Variants in PPP6R2 observed in about 807,000 individuals in gnomAD.
PPP6R2 encodes protein phosphatase 6 regulatory subunit 2, also known as serine/threonine-protein phosphatase 6 regulatory subunit 2.
PPP6R2 carries 62 observed loss-of-function variants against 100.2 expected under a neutral mutation model. That is an observed-to-expected ratio of 0.62 (90% CI 0.50 to 0.76). The LOEUF (loss-of-function observed/expected upper bound fraction) is 0.76, where lower values mean the gene tolerates loss of function less well. Among genes scored for constraint, PPP6R2 ranks in the 30% least tolerant of loss-of-function variants. The probability of loss-of-function intolerance (pLI) is 0.00; values close to 1 mark genes in which losing one functional copy is unlikely to be tolerated. For missense variants in PPP6R2, 1,142 were observed against 1,276.3 expected (o/e 0.89, Z 1.60); for synonymous variants, 525 against 514.7 (o/e 1.02, Z -0.27).
chr22:50,339,386 A>AGT (rs775867826), upstream of PPP6R2, among the ~76,000 whole-genome samples: 3 of 44,542 alleles, frequency 6.7e-5, no homozygotes, highest in Non-Finnish European at 1.3e-4. Context: ...TGTGGTATGT[A>AGT]GTGTGTGTGT....
intron 1 of PPP6R2, among the ~76,000 whole-genome samples, chr22:50,351,257 C>G: frequency 7.3e-6 from 1 of 137,094 alleles, no homozygotes. Flanking sequence ...CCAGGCTGGT[C>G]TCAAACTCCT....
intron 22 of PPP6R2, 166 bp from the exon 23 acceptor site, chr22:50,443,700 T>C (rs2066394080): frequency 1.0e-6 from 1 of 969,118 alleles, no homozygotes; most frequent in African/African-American, 1.6e-5. Flanking sequence ...CAGAGCTGCC[T>C]AGCTGGGCAC....
At position 50,443,918 on chromosome 22, in the gene PPP6R2, G is replaced by A. The variant is rs2066464676; in HGVS notation, c.2632G>A (p.Glu878Lys). Residue 878 changes from glutamate to lysine, a missense_variant, in exon 23 of 24, where the codon GAA becomes AAA. Physicochemically the swap from Glu to Lys is moderately conservative, Grantham distance 56. Coordinates refer to ENST00000612753, the MANE Select transcript of PPP6R2 (RefSeq NM_001242898.2). ...AAGCCCTGCCTGCCCCGCGCCAAAG[G>A]AAGTGACTGCTGCCCCAGCCGTGGC... is the stretch of plus-strand genomic sequence containing the variant. ...LLSPACPAPK[E>K]VTAAPAVAVP... is the part of the protein sequence containing the mutation. 1.2e-6 allele frequency: 2 copies of A among 1,600,732 alleles called. No homozygotes were observed. Among genetic ancestry groups the A allele is most frequent in the South Asian group, 2.2e-5 (2 of 89,446 alleles).
In PPP6R2 at chr22:50,438,774, C is replaced by T. The variant is rs186743399; in HGVS notation, c.2128+12C>T. On this transcript the variant is annotated intron_variant, in intron 19 of 23. Transcript: ENST00000612753. ...GGGTGACTCAGAAGGTGGTGCTGGG[C>T]GCCAGGGGCTGGGAGTGTGGGTATC... 1,107 of 1,582,148 alleles carry T rather than the reference C, an allele frequency of 7.0e-4. 7 individuals carry two copies. In the African/African-American group the frequency reaches 0.01, roughly 15 times the overall value.
intron 10 of PPP6R2, among the ~76,000 whole-genome samples, chr22:50,428,011 C>T (rs578157349): frequency 4.7e-4 from 71 of 150,932 alleles, no homozygotes; most frequent in East Asian, 1.5e-3. Context: ...TGAGCCACCA[C>T]GCCCAGCCAA....
rs138936534 is a variant in PPP6R2 at position 50,369,341 on chromosome 22, A to G, written c.-147-2679A>G. ...TGAGTTATTTAGCTTAATTTTAATC[A>G]TGAAGTGTTAGGTATAAAAAGTATT... is the stretch of plus-strand genomic sequence containing the variant. On this transcript the variant is annotated intron_variant, in intron 1 of 23. Transcript: ENST00000612753. Among the ~76,000 whole-genome samples the G allele has an allele frequency of 4.2e-4, 64 of 152,298 alleles. No individual in the cohort carries two copies. The East Asian group carries it at 0.012, about 29-fold the overall frequency.
At chr22:50,441,223 G>C (rs1215176571) in intron 22 of PPP6R2, 197 bp downstream of exon 22, 1 of 582,308 alleles carries the variant, frequency 1.7e-6, no homozygotes, top group Non-Finnish European at 3.1e-6. Flanking sequence ...GTGGAGGCCA[G>C]ATGGGAGAAG....
intron 1 of PPP6R2, among the ~76,000 whole-genome samples, chr22:50,370,499 G>A (rs1482755723): frequency 6.6e-6 from 1 of 151,876 alleles, no homozygotes; most frequent in Admixed American, 6.6e-5. Context: ...ATGTTGGCCA[G>A]ACTGGTCTCG....
At chr22:50,387,754 T>C (rs961530487) in intron 2 of PPP6R2, among the ~76,000 whole-genome samples, 1 of 152,144 alleles carries the variant, frequency 6.6e-6, no homozygotes, top group African/African-American at 2.4e-5. Context: ...AGGGCTCAGG[T>C]TGGGCCACCG....
intron 3 of PPP6R2, among the ~76,000 whole-genome samples, chr22:50,395,924 G>C (rs544819436): frequency 5.9e-5 from 9 of 151,618 alleles, no homozygotes; most frequent in African/African-American, 1.7e-4. Context: ...CTCGGGCATC[G>C]TGGCTCATAC....
chr22:50,414,347 C>A (rs920406613), intron 4 of PPP6R2, among the ~76,000 whole-genome samples: 1 of 73,908 alleles, frequency 1.4e-5, no homozygotes, highest in African/African-American at 4.0e-5. Context: ...CCCCCCCCCC[C>A]CCCGCCCAGA....
chr22:50,358,025 C>T (rs959440867), intron 1 of PPP6R2, among the ~76,000 whole-genome samples: 2 of 152,022 alleles, frequency 1.3e-5, no homozygotes, highest in Non-Finnish European at 1.5e-5. Context: ...GATCGTGGCT[C>T]ACTGCGGCTT....
At chr22:50,397,072 G>A (rs1048246682) in intron 3 of PPP6R2, among the ~76,000 whole-genome samples, 9 of 152,254 alleles carry the variant, frequency 5.9e-5, no homozygotes, top group Admixed American at 1.3e-4. Context: ...TCAGTGAGCC[G>A]GGAGAGTCTC....
At chr22:50,338,029 GGT>G in the PPP6R2 span, among the ~76,000 whole-genome samples, 2 of 142,706 alleles carry the variant, frequency 1.4e-5, no homozygotes, top group Non-Finnish European at 1.5e-5. Flanking sequence ...GGGTATGTGT[GGT>G]GTGTTTGTGT....
intron 10 of PPP6R2, among the ~76,000 whole-genome samples, chr22:50,427,850 A>G (rs921638330): frequency 2.0e-5 from 3 of 152,152 alleles, no homozygotes; most frequent in Non-Finnish European, 2.9e-5. Flanking sequence ...CCTCCCAAGT[A>G]GCTGGGACTA....
At position 50,431,206 on chromosome 22, in the gene PPP6R2, T is replaced by C. The variant is rs1323091408; in HGVS notation, c.1159T>C (p.Leu387=). Residue 387 remains leucine (L), a synonymous_variant, in exon 11 of 24, where the codon TTG becomes CTG. Transcript: ENST00000612753. This position sits in a 1 kb window ranked among gnomAD's most constrained non-coding sequence, Gnocchi z 4.8. The stretch of plus-strand genomic sequence containing the variant: ...CTTTAAGTACACCTGGAATAACTTT[T>C]TGCACTTCCAAGTGGAACTATGCAT... ...LFFKYTWNNF[L]HFQVELCIAA... The C allele has an allele frequency of 6.2e-7, 1 of 1,613,520 alleles. No individual in the cohort carries two copies. The highest frequency in any genetic ancestry group is 8.5e-7 in the Non-Finnish European group (1 of 1,179,688).
At position 50,423,126 on chromosome 22, in the gene PPP6R2, C is replaced by T. The variant is rs1034000746; in HGVS notation, c.973-336C>T. ...CCACTGGGCATCCTCAGTGAGGCAT[C>T]GTGCCAAGGGCTCTGGCCTTAGACC... is the stretch of plus-strand genomic sequence containing the variant. On this transcript the variant is annotated intron_variant, in intron 9 of 23. Transcript: ENST00000612753. The surrounding 1 kb of genome is among the most constrained non-coding windows in gnomAD (Gnocchi z 4.8). 2.0e-5 allele frequency among the ~76,000 whole-genome samples: 3 copies of T among 152,150 alleles called. No individual in the cohort carries two copies. Among genetic ancestry groups the T allele is most frequent in the Non-Finnish European group, 2.9e-5 (2 of 68,028 alleles).
chr22:50,410,267 G>A (rs1460308481), intron 4 of PPP6R2, among the ~76,000 whole-genome samples: 1 of 152,128 alleles, frequency 6.6e-6, no homozygotes, highest in African/African-American at 2.4e-5. Context: ...GATTGTGTGA[G>A]TGAGGTCTTA....
chr22:50,417,091 G>A (rs1199202083), intron 6 of PPP6R2, among the ~76,000 whole-genome samples: 2 of 152,116 alleles, frequency 1.3e-5, no homozygotes, highest in Admixed American at 6.6e-5. Flanking sequence ...TGGATCAGGC[G>A]TCTGAATGTG....
Sources: gnomAD v4.1 joint callset for allele counts (sites outside exome capture counted in the v4.1 genomes callset) on GRCh38, gnomAD v4.1.1 for gene constraint, Gnocchi (gnomAD v3.1) non-coding constraint, MANE v1.5 for transcripts, NCBI Gene and HGNC (gene_info 2026-07-23, HGNC 2026-07-21) for gene names.